PPFIA2: variants seen among roughly 807,000 people sequenced by gnomAD.
PPFIA2 encodes liprin-alpha-2.
In PPFIA2, 46 loss-of-function variants were observed where a neutral mutation model predicts 175.5. The observed-to-expected ratio is 0.26, with a 90% CI of 0.21 to 0.34. The LOEUF (loss-of-function observed/expected upper bound fraction) is 0.34. Among genes scored for constraint, PPFIA2 ranks in the 10% least tolerant of loss-of-function variants. PPFIA2 has a pLI of 1.00. For synonymous variants in PPFIA2, 568 were observed against 511.4 expected (o/e 1.11, Z -1.49); for missense variants, 1,179 against 1,506.1 (o/e 0.78, Z 3.60).
intron 4 of PPFIA2, among the ~76,000 whole-genome samples, chr12:81,506,269 T>C (rs2061159668): frequency 1.3e-5 from 2 of 152,316 alleles, no homozygotes; most frequent in African/African-American, 4.8e-5. Context: ...CTTTTCTTTC[T>C]TGTCTGCCTG....
At chr12:81,495,135 CATCAGTCTTCA>C (rs1324908480) in intron 4 of PPFIA2, among the ~76,000 whole-genome samples, 1 of 151,886 alleles carries the variant, frequency 6.6e-6, no homozygotes, top group Non-Finnish European at 1.5e-5. Flanking sequence ...TCGTTTAGGA[CATCAGTCTTCA>C]AACATGTTTG....
At chr12:81,539,546 C>T (rs907413644) in intron 4 of PPFIA2, among the ~76,000 whole-genome samples, 1 of 151,934 alleles carries the variant, frequency 6.6e-6, no homozygotes, top group Non-Finnish European at 1.5e-5. Flanking sequence ...CCTCTTACCC[C>T]ACCCATGCCA....
chr12:81,567,270 C>T (rs2071534587), intron 4 of PPFIA2, among the ~76,000 whole-genome samples: 2 of 152,136 alleles, frequency 1.3e-5, no homozygotes, highest in Non-Finnish European at 2.9e-5. Flanking sequence ...AGGATGGTCT[C>T]GATCTCCTGA....
At chr12:81,581,423 G>T (rs1201505832) in intron 4 of PPFIA2, among the ~76,000 whole-genome samples, 2 of 151,706 alleles carry the variant, frequency 1.3e-5, no homozygotes, top group Non-Finnish European at 2.9e-5. Flanking sequence ...CTAGTACAGA[G>T]ATCTCCAAAG....
intron 4 of PPFIA2, among the ~76,000 whole-genome samples, chr12:81,546,762 C>A (rs2067067165): frequency 6.6e-6 from 1 of 151,188 alleles, no homozygotes; most frequent in African/African-American, 2.4e-5. Flanking sequence ...AGAAACTGGG[C>A]TTTTTAAAAA....
intron 4 of PPFIA2, among the ~76,000 whole-genome samples, chr12:81,523,995 G>C (rs1247389453): frequency 6.6e-6 from 1 of 152,102 alleles, no homozygotes; most frequent in South Asian, 2.1e-4. Flanking sequence ...TCTTACAAAA[G>C]TTCTCTTATT....
intron 3 of PPFIA2, among the ~76,000 whole-genome samples, chr12:81,694,186 C>G (rs923638823): frequency 6.6e-6 from 1 of 152,126 alleles, no homozygotes; most frequent in African/African-American, 2.4e-5. Context: ...CAACCACTTG[C>G]TAGAGAAATT....
intron 3 of PPFIA2, among the ~76,000 whole-genome samples, chr12:81,740,971 A>G (rs2082246724): frequency 2.8e-5 from 3 of 105,796 alleles, no homozygotes; most frequent in Admixed American, 1.1e-4. Context: ...ATAAAGTCAT[A>G]TAAATATTCA....
intron 4 of PPFIA2, among the ~76,000 whole-genome samples, chr12:81,625,981 T>A (rs1419101277): frequency 6.6e-6 from 1 of 151,184 alleles, no homozygotes; most frequent in Non-Finnish European, 1.5e-5. Context: ...ATAACAAAAA[T>A]TGTCACATTT....
In PPFIA2 at chr12:81,266,981, C is replaced by A. The variant is rs984025704; in HGVS notation, c.3526G>T (p.Ala1176Ser). ...ILEREYNNLLALGTERRLDES... is the reference protein window; with the variant it reads ...ILEREYNNLLSLGTERRLDES... ...TCCAGTCGCCTTTCAGTTCCCAGGGCCAAGAGGTTATTGTATTCTCTTTCA... is the reference window on the plus strand; with the variant it reads ...TCCAGTCGCCTTTCAGTTCCCAGGGACAAGAGGTTATTGTATTCTCTTTCA... Residue 1176 changes from alanine (A) to serine (S), a missense_variant, in exon 30 of 33, where the codon GCC becomes TCC. Transcript: ENST00000549396. 2.5e-6 allele frequency: 4 copies of A among 1,613,170 alleles called. No individual in the cohort carries two copies. Among genetic ancestry groups the A allele is most frequent in the East Asian group, 2.2e-5 (1 of 44,782 alleles).
At chr12:81,681,066 A>G (rs182859575) in intron 3 of PPFIA2, among the ~76,000 whole-genome samples, 11 of 152,050 alleles carry the variant, frequency 7.2e-5, no homozygotes, top group Admixed American at 6.6e-4. Flanking sequence ...CAAACATAAA[A>G]CCATTTGGAT....
chr12:81,713,870 G>A (rs2078259095), intron 3 of PPFIA2, among the ~76,000 whole-genome samples: 1 of 151,324 alleles, frequency 6.6e-6, no homozygotes, highest in Admixed American at 6.7e-5. Context: ...ATATTCTAGA[G>A]AAATGTGAAC....
intron 7 of PPFIA2, among the ~76,000 whole-genome samples, chr12:81,424,698 TGTAA>T (rs1210833590): frequency 1.3e-5 from 2 of 152,172 alleles, no homozygotes; most frequent in African/African-American, 4.8e-5. Context: ...TTCAATGGCA[TGTAA>T]GTAAGAGTCA....
At chr12:81,288,052 T>C (rs1208869691) in intron 24 of PPFIA2, among the ~76,000 whole-genome samples, 1 of 151,868 alleles carries the variant, frequency 6.6e-6, no homozygotes, top group Non-Finnish European at 1.5e-5. Context: ...ACATGAAATT[T>C]ATAAAATTTC....
intron 5 of PPFIA2, among the ~76,000 whole-genome samples, chr12:81,455,769 T>C (rs190172546): frequency 2.6e-3 from 397 of 152,344 alleles, no homozygotes; most frequent in African/African-American, 8.9e-3. Flanking sequence ...GTAATAATGC[T>C]GATGGCCTCA....
intron 4 of PPFIA2, among the ~76,000 whole-genome samples, chr12:81,507,021 T>C (rs2061247784): frequency 6.6e-6 from 1 of 152,192 alleles, no homozygotes; most frequent in African/African-American, 2.4e-5. Flanking sequence ...ACATACAGAA[T>C]GGTGATAGTT....
In PPFIA2 at chr12:81,517,284, C is replaced by T. The variant is rs370495217; in HGVS notation, c.304-59418G>A. On this transcript the variant is annotated intron_variant, in intron 4 of 32. Coordinates refer to ENST00000549396, the MANE Select transcript of PPFIA2 (RefSeq NM_003625.5). ...TTTAGTAACTAATCCTAAAGCTACC[C>T]GGCAGAACAAGGATCCAGGAGAATT... Among the ~76,000 whole-genome samples, 12 of 152,026 alleles carry T rather than the reference C, an allele frequency of 7.9e-5. No homozygotes were observed. The South Asian group carries it at 1.0e-3, about 13-fold the overall frequency.
chr12:81,350,797 T>G (rs1826642372), intron 17 of PPFIA2, among the ~76,000 whole-genome samples: 1 of 127,848 alleles, frequency 7.8e-6, no homozygotes, highest in African/African-American at 3.8e-5. Context: ...ATAGTAATGG[T>G]TATTGTCATA....
chr12:81,625,994 T>C (rs2062654669), intron 4 of PPFIA2, among the ~76,000 whole-genome samples: 1 of 151,424 alleles, frequency 6.6e-6, no homozygotes, highest in Admixed American at 6.6e-5. Flanking sequence ...TCACATTTCC[T>C]TAAAAAACCT....
Sources: gnomAD v4.1 joint callset for allele counts (sites outside exome capture counted in the v4.1 genomes callset) on GRCh38, gnomAD v4.1.1 for gene constraint, MANE v1.5 for transcripts, NCBI Gene and HGNC (gene_info 2026-07-23, HGNC 2026-07-21) for gene names.